Variants in MALRD1 observed in about 807,000 individuals in gnomAD.
MALRD1 encodes MAM and LDL receptor class A domain containing 1, also known as MAM and LDL-receptor class A domain-containing protein 1.
MALRD1 carries 247 observed loss-of-function variants against 242.1 expected under a neutral mutation model. The ratio of observed to expected loss-of-function variants is 1.02; its 90% CI spans 0.92 to 1.13. The LOEUF is 1.13. MALRD1 is among the 50% of genes most tolerant of loss of function. MALRD1 has a pLI of 0.00. For synonymous variants in MALRD1, 995 were observed against 866.6 expected (o/e 1.15, Z -2.60); for missense variants, 2,989 against 2,533.1 (o/e 1.18, Z -3.86).
At chr10:19,384,458 A>G (rs1159106964) in intron 26 of MALRD1, among the ~76,000 whole-genome samples, 1 of 116,362 alleles carries the variant, frequency 8.6e-6, no homozygotes, top group Admixed American at 1.1e-4. Flanking sequence ...TATATATAAT[A>G]TAATATATAC....
rs1564294921 is a variant in MALRD1 at position 19,387,425 on chromosome 10, T to A, written c.4442-103T>A. Reference sequence around the variant, plus strand: ...GTACCTCAAATTCCTAAGAACAATATGTTCCTTTATAGATTAAAATGAATC... The same window carrying A: ...GTACCTCAAATTCCTAAGAACAATAAGTTCCTTTATAGATTAAAATGAATC... On this transcript the variant is annotated intron_variant, in intron 26 of 39. Coordinates refer to ENST00000454679, the MANE Select transcript of MALRD1 (RefSeq NM_001142308.3). The A allele has an allele frequency of 3.7e-6, 5 of 1,355,014 alleles. No homozygotes were observed. In the East Asian group the frequency reaches 1.0e-4, roughly 27 times the overall value. The allele number at this position is 1,355,014 out of a possible 1,614,324, so 83.9% of individuals were successfully genotyped here.
chr10:19,140,543 A>ATGTGTGTGTGTGTGTGTGTG (rs34024633), intron 10 of MALRD1, among the ~76,000 whole-genome samples: 2 of 146,988 alleles, frequency 1.4e-5, no homozygotes, highest in Non-Finnish European at 3.0e-5. Flanking sequence ...GTGTGTGTGT[A>ATGTGTGTGTGTGTGTGTGTG]TGTGTGTGTG....
At chr10:19,205,971 T>G (rs1836766020) in intron 17 of MALRD1, among the ~76,000 whole-genome samples, 1 of 151,500 alleles carries the variant, frequency 6.6e-6, no homozygotes, top group South Asian at 2.1e-4. Flanking sequence ...CATCTTTCCT[T>G]GGACTCAGAT....
At chr10:19,276,861 A>T (rs1251605091) in intron 19 of MALRD1, among the ~76,000 whole-genome samples, 1 of 151,078 alleles carries the variant, frequency 6.6e-6, no homozygotes, top group African/African-American at 2.4e-5. Context: ...CTATTTTAGG[A>T]TAGAAAATAT....
intron 36 of MALRD1, among the ~76,000 whole-genome samples, chr10:19,637,955 G>T (rs934792636): frequency 6.6e-6 from 1 of 151,782 alleles, no homozygotes; most frequent in African/African-American, 2.4e-5. Flanking sequence ...ACAAAAATTA[G>T]CCAGGTGTGG....
At chr10:19,508,975 G>T (rs931708451) in intron 31 of MALRD1, among the ~76,000 whole-genome samples, 4 of 152,150 alleles carry the variant, frequency 2.6e-5, no homozygotes, top group African/African-American at 9.7e-5. Context: ...AAGTGGCAAA[G>T]ATGGTCTATT....
chr10:19,103,524 C>G (rs1039375612), intron 4 of MALRD1, among the ~76,000 whole-genome samples: 1 of 131,244 alleles, frequency 7.6e-6, no homozygotes, highest in Non-Finnish European at 1.6e-5. Flanking sequence ...TGCACTCCGG[C>G]CTGGGTGAAA....
chr10:19,374,587 C>T lies in MALRD1; in HGVS notation c.4442-12941C>T, dbSNP rs142086158. On this transcript the variant is annotated intron_variant, in intron 26 of 39. Transcript: ENST00000454679. ...CACTTAAATGACATGCGTATAGTTT[C>T]GCCCATGTGCACACACACATATACA... 3.3e-3 allele frequency among the ~76,000 whole-genome samples: 500 copies of T among 152,236 alleles called. 4 individuals are homozygous for T. The highest frequency in any genetic ancestry group is 0.011 in the African/African-American group (461 of 41,554).
chr10:19,520,278 A>C (rs1041219810), intron 31 of MALRD1, among the ~76,000 whole-genome samples: 2 of 152,052 alleles, frequency 1.3e-5, no homozygotes, highest in Non-Finnish European at 2.9e-5. Flanking sequence ...AAAACTGATG[A>C]CATAAAAATG....
At chr10:19,588,269 A>T (rs1837553248) in intron 33 of MALRD1, among the ~76,000 whole-genome samples, 1 of 152,186 alleles carries the variant, frequency 6.6e-6, no homozygotes, top group African/African-American at 2.4e-5. Context: ...TTGATTATGT[A>T]ACTCCATATT....
intron 12 of MALRD1, among the ~76,000 whole-genome samples, chr10:19,165,266 T>TATATA (rs1554801500): frequency 2.6e-4 from 30 of 116,250 alleles, no homozygotes; most frequent in African/African-American, 1.0e-3. Flanking sequence ...TATATATATA[T>TATATA]TTTGTTTTGT....
chr10:19,246,012 C>A (rs549812041), intron 18 of MALRD1, among the ~76,000 whole-genome samples: 1 of 152,062 alleles, frequency 6.6e-6, no homozygotes, highest in Non-Finnish European at 1.5e-5. Flanking sequence ...TTATAAAAAA[C>A]GATGATGTGT....
At chr10:19,638,743 C>T (rs769353541) in intron 36 of MALRD1, among the ~76,000 whole-genome samples, 1 of 152,112 alleles carries the variant, frequency 6.6e-6, no homozygotes, top group East Asian at 1.9e-4. Context: ...CCTCAGATTC[C>T]AGTGAGGTCA....
In MALRD1 at chr10:19,432,191, A is replaced by C. The variant is rs911578755; in HGVS notation, c.4846-18116A>C. Among the ~76,000 whole-genome samples, 4 of 152,172 alleles carry C rather than the reference A, an allele frequency of 2.6e-5. 1 individual carries two copies. Among genetic ancestry groups the C allele is most frequent in the Admixed American group, 2.0e-4 (3 of 15,266 alleles). On this transcript the variant is annotated intron_variant, in intron 28 of 39. Coordinates refer to ENST00000454679, the MANE Select transcript of MALRD1 (RefSeq NM_001142308.3). ...TAACTTTGTTAGAGCAATGAGCAAC[A>C]TTGGCTATTGTCTGTTATAGACAAT... is the stretch of plus-strand genomic sequence containing the variant.
chr10:19,703,745 A>C (rs916445053), intron 38 of MALRD1, among the ~76,000 whole-genome samples: 1 of 152,096 alleles, frequency 6.6e-6, no homozygotes, highest in Non-Finnish European at 1.5e-5. Flanking sequence ...AAATACAAAA[A>C]TTAGCCAGGG....
intron 26 of MALRD1, among the ~76,000 whole-genome samples, chr10:19,353,810 G>A (rs537355424): frequency 7.9e-5 from 12 of 152,208 alleles, no homozygotes; most frequent in African/African-American, 1.2e-4. Context: ...TTATTTGATC[G>A]TAATAAAAAA....
At chr10:19,697,902 C>T (rs1460772325) in intron 38 of MALRD1, among the ~76,000 whole-genome samples, 5 of 152,108 alleles carry the variant, frequency 3.3e-5, no homozygotes, top group Non-Finnish European at 5.9e-5. Context: ...TATTTTCTTC[C>T]AGTAACTTAT....
At chr10:19,181,476 C>G (rs150200560) in intron 14 of MALRD1, among the ~76,000 whole-genome samples, 53 of 152,218 alleles carry the variant, frequency 3.5e-4, no homozygotes, top group Non-Finnish European at 6.8e-4. Flanking sequence ...ATTGCATGAT[C>G]TCAATTATGG....
intron 24 of MALRD1, among the ~76,000 whole-genome samples, chr10:19,337,863 C>T (rs973302094): frequency 3.3e-5 from 5 of 151,904 alleles, no homozygotes; most frequent in African/African-American, 9.7e-5. Context: ...GAGATCAAGA[C>T]CATCCTAGCC....
Sources: allele counts gnomAD v4.1 joint callset (sites outside exome capture counted in the v4.1 genomes callset), GRCh38; gene constraint gnomAD v4.1.1; transcripts MANE v1.5; gene names NCBI Gene and HGNC (gene_info 2026-07-23, HGNC 2026-07-21).